EIF4G3: variants seen among roughly 807,000 people sequenced by gnomAD.
EIF4G3 encodes eukaryotic translation initiation factor 4 gamma 3.
Under a neutral mutation model 186.4 loss-of-function variants are expected in EIF4G3, and 34 were observed. The observed-to-expected ratio is 0.18, with a 90% CI of 0.14 to 0.24. EIF4G3 has a LOEUF of 0.24. EIF4G3 is among the 10% of genes least tolerant of loss of function. The pLI, the probability that EIF4G3 is intolerant of heterozygous loss-of-function variation, is 1.00. For synonymous variants in EIF4G3, 673 were observed against 679.5 expected, an observed-to-expected ratio of 0.99 and a Z score of 0.15; for missense variants, 1,536 against 1,948.5, an observed-to-expected ratio of 0.79 and a Z score of 3.99.
chr1:21,003,169 TTC>T (rs2084020239), intron 4 of EIF4G3, among the ~76,000 whole-genome samples: 1 of 114,668 alleles, frequency 8.7e-6, no homozygotes, highest in African/African-American at 2.9e-5. Flanking sequence ...ACTAATTTTT[TTC>T]TTTTTTTTTT....
chr1:20,942,385 T>G, intron 13 of EIF4G3, 55 bp from the exon 14 acceptor site: 1 of 1,502,936 alleles, frequency 6.7e-7, no homozygotes, highest in Non-Finnish European at 8.9e-7. Flanking sequence ...GACTACATAT[T>G]GCCTTGGGCC....
At chr1:20,924,715 C>T (rs918721645) in intron 14 of EIF4G3, among the ~76,000 whole-genome samples, 2 of 152,150 alleles carry the variant, frequency 1.3e-5, no homozygotes, top group African/African-American at 4.8e-5. Flanking sequence ...ACGTGCACTA[C>T]CACACCTGGC....
chr1:21,039,797 C>T (rs1372550271), intron 4 of EIF4G3, among the ~76,000 whole-genome samples: 1 of 152,114 alleles, frequency 6.6e-6, no homozygotes, highest in Non-Finnish European at 1.5e-5. Flanking sequence ...ATAAAGAACT[C>T]CTACAACTCA....
chr1:20,905,074 A>G, intron 14 of EIF4G3, 103 bp from the exon 15 acceptor site: 3 of 791,172 alleles, frequency 3.8e-6, no homozygotes, highest in Non-Finnish European at 5.9e-6. Flanking sequence ...ATAAAAGAGA[A>G]CTTTACCTAT....
chr1:20,807,729 T>G (rs1570739190), intron 36 of EIF4G3, among the ~76,000 whole-genome samples: 2 of 151,506 alleles, frequency 1.3e-5, no homozygotes, highest in African/African-American at 4.8e-5. Flanking sequence ...ATTCCTATTA[T>G]TTTGTACAAT....
intron 4 of EIF4G3, among the ~76,000 whole-genome samples, chr1:21,004,089 G>A (rs922676510): frequency 3.9e-5 from 6 of 152,072 alleles, no homozygotes; most frequent in African/African-American, 9.7e-5. Flanking sequence ...CTATTGCTAC[G>A]GTGTGCTTTC....
intron 18 of EIF4G3, chr1:20,892,643 TG>T: frequency 2.6e-6 from 4 of 1,535,982 alleles, no homozygotes; most frequent in Non-Finnish European, 3.5e-6. Context: ...TCTTCATGGG[TG>T]GGTGTGACAT....
At chr1:20,851,124 C>A in intron 28 of EIF4G3, 134 bp downstream of exon 28, 1 of 747,060 alleles carries the variant, frequency 1.3e-6, no homozygotes, top group Non-Finnish European at 2.2e-6. Context: ...ATGAAGTACC[C>A]TTTAACTCTT....
At chr1:20,997,418 TTAA>T (rs2082531168) in intron 7 of EIF4G3, among the ~76,000 whole-genome samples, 180 bp downstream of exon 7, 3 of 151,962 alleles carry the variant, frequency 2.0e-5, no homozygotes, top group African/African-American at 4.8e-5. Flanking sequence ...AATGGATTTG[TTAA>T]TAACAAAATG....
chr1:20,972,735 C>A (rs1480612772), intron 11 of EIF4G3, among the ~76,000 whole-genome samples: 1 of 152,024 alleles, frequency 6.6e-6, no homozygotes, highest in East Asian at 1.9e-4. Flanking sequence ...CTAAACCCTC[C>A]CAGTTCTAAA....
At chr1:21,111,505 G>T in intron 2 of EIF4G3, 1 of 375,810 alleles carries the variant, frequency 2.7e-6, no homozygotes. Flanking sequence ...CTATCCAGGT[G>T]ACACAGCCTT....
intron 3 of EIF4G3, among the ~76,000 whole-genome samples, chr1:21,077,375 T>C (rs528636916): frequency 6.9e-6 from 1 of 144,752 alleles, no homozygotes; most frequent in Admixed American, 7.1e-5. Context: ...TCCTCCAGCC[T>C]GGGCAACAGA....
chr1:20,872,963 C>T (rs891370819), intron 20 of EIF4G3, among the ~76,000 whole-genome samples: 1 of 152,190 alleles, frequency 6.6e-6, no homozygotes, highest in Non-Finnish European at 1.5e-5. Flanking sequence ...CCTTGAACTC[C>T]TGACCTCAGG....
At chr1:21,135,676 T>C (rs908342060) in intron 2 of EIF4G3, among the ~76,000 whole-genome samples, 2 of 152,216 alleles carry the variant, frequency 1.3e-5, no homozygotes, top group Admixed American at 1.3e-4. Context: ...CATGTGGTCT[T>C]ACTACTGATG....
intron 2 of EIF4G3, among the ~76,000 whole-genome samples, chr1:21,124,043 C>A (rs2096977146): frequency 6.6e-6 from 1 of 152,108 alleles, no homozygotes; most frequent in African/African-American, 2.4e-5. Context: ...GTAATCCCAG[C>A]ACTTTGGGAG....
intron 7 of EIF4G3, among the ~76,000 whole-genome samples, chr1:20,994,705 G>A (rs936005712): frequency 2.8e-5 from 4 of 141,988 alleles, no homozygotes; most frequent in African/African-American, 1.1e-4. Flanking sequence ...ACACCTCACT[G>A]CAACTTTGAC....
rs369407403 is a variant in EIF4G3 at position 20,893,506 on chromosome 1, C to T, written c.2253+11G>A. 9 of 1,588,298 alleles carry T rather than the reference C, an allele frequency of 5.7e-6. No individual in the cohort carries two copies. In the African/African-American group the frequency reaches 8.0e-5, roughly 14 times the overall value. The stretch of plus-strand genomic sequence containing the variant: ...GTCTAACTAAGTGAGTTGTAGGGAA[C>T]TTGCACTTACAGGTACGCCTCTTCC... On this transcript the variant is annotated intron_variant, in intron 18 of 36. Coordinates refer to ENST00000602326, the MANE Select transcript of EIF4G3 (RefSeq NM_001391906.1).
chr1:21,059,012 A>T (rs181090473), intron 3 of EIF4G3, among the ~76,000 whole-genome samples: 1 of 152,208 alleles, frequency 6.6e-6, no homozygotes, highest in Non-Finnish European at 1.5e-5. Context: ...GAATGAAAAC[A>T]TACTGCTTTA....
chr1:20,967,746 T>A (rs2075006299), intron 12 of EIF4G3, among the ~76,000 whole-genome samples: 1 of 152,224 alleles, frequency 6.6e-6, no homozygotes, highest in South Asian at 2.1e-4. Context: ...TTTAAGAATA[T>A]TTTTATGAAC....
Sources: gnomAD v4.1 joint callset for allele counts (sites outside exome capture counted in the v4.1 genomes callset) on GRCh38, gnomAD v4.1.1 for gene constraint, MANE v1.5 for transcripts, NCBI Gene and HGNC (gene_info 2026-07-23, HGNC 2026-07-21) for gene names.